Variants in FSIP1 observed in about 807,000 individuals in gnomAD.
The protein encoded by FSIP1 is fibrous sheath interacting protein 1.
A neutral mutation model predicts 60.9 loss-of-function variants in FSIP1; 65 were observed. The ratio of observed to expected loss-of-function variants is 1.07; its 90% CI spans 0.87 to 1.31. The LOEUF (loss-of-function observed/expected upper bound fraction) is 1.31. FSIP1 is among the 40% of genes most tolerant of loss of function. The pLI is 0.00. For missense variants in FSIP1, 675 were observed against 665.5 expected, an observed-to-expected ratio of 1.01 and a Z score of -0.16; for synonymous variants, 209 against 221.2, an observed-to-expected ratio of 0.94 and a Z score of 0.49.
intron 10 of FSIP1, among the ~76,000 whole-genome samples, chr15:39,671,328 T>C (rs956357341): frequency 6.6e-6 from 1 of 152,198 alleles, no homozygotes; most frequent in Admixed American, 6.5e-5. Flanking sequence ...TATTTTATCC[T>C]TTAGTTCATT....
intron 5 of FSIP1, among the ~76,000 whole-genome samples, chr15:39,755,438 C>T (rs1897271839): frequency 1.3e-5 from 2 of 152,034 alleles, no homozygotes; most frequent in Admixed American, 1.3e-4. Flanking sequence ...GAAGACCAAC[C>T]AAGACAGTGA....
At chr15:39,638,385 T>C (rs1159848501) in intron 10 of FSIP1, among the ~76,000 whole-genome samples, 5 of 152,212 alleles carry the variant, frequency 3.3e-5, no homozygotes, top group Admixed American at 6.5e-5. Flanking sequence ...TCTAGGAGAA[T>C]GACAGGAGAT....
At chr15:39,737,273 T>A (rs1223297323) in intron 8 of FSIP1, among the ~76,000 whole-genome samples, 1 of 152,082 alleles carries the variant, frequency 6.6e-6, no homozygotes, top group Non-Finnish European at 1.5e-5. Flanking sequence ...CTCACCCCCA[T>A]TACATGCTGT....
chr15:39,693,374 T>C (rs1894682154), intron 10 of FSIP1, among the ~76,000 whole-genome samples: 1 of 152,164 alleles, frequency 6.6e-6, no homozygotes, highest in South Asian at 2.1e-4. Context: ...CCCTTGCAGA[T>C]TTATTTAATG....
At chr15:39,631,023 G>C (rs1193381406) in intron 10 of FSIP1, among the ~76,000 whole-genome samples, 1 of 152,188 alleles carries the variant, frequency 6.6e-6, no homozygotes, top group African/African-American at 2.4e-5. Context: ...AGTACCCTCT[G>C]CATCTACTTT....
chr15:39,751,375 GTGTCCAT>G (rs1284636181), intron 5 of FSIP1, among the ~76,000 whole-genome samples: 3 of 150,788 alleles, frequency 2.0e-5, no homozygotes, highest in Non-Finnish European at 4.4e-5. Flanking sequence ...AACAAACCAA[GTGTCCAT>G]TGGCAGATGA....
chr15:39,705,315 T>C, intron 10 of FSIP1, among the ~76,000 whole-genome samples: 1 of 152,260 alleles, frequency 6.6e-6, no homozygotes, highest in East Asian at 1.9e-4. Flanking sequence ...AAAAATGTTC[T>C]TTATTTTTTA....
chr15:39,771,509 C>A (rs1029877994), intron 2 of FSIP1, among the ~76,000 whole-genome samples: 3 of 152,182 alleles, frequency 2.0e-5, no homozygotes, highest in African/African-American at 7.2e-5. Flanking sequence ...GGAATGCAGG[C>A]CTGCGTGAGT....
intron 10 of FSIP1, among the ~76,000 whole-genome samples, chr15:39,708,004 G>A (rs1895347384): frequency 6.6e-6 from 1 of 152,184 alleles, no homozygotes; most frequent in Non-Finnish European, 1.5e-5. Context: ...AACATCACTG[G>A]TATGGGAAAT....
rs12908846 is a variant in FSIP1 at position 39,618,203 on chromosome 15, G to A, written c.1231C>T (p.Leu411Phe). Residue 411 changes from leucine to phenylalanine, a missense_variant, in exon 11 of 12, where the codon CTT becomes TTT. By Grantham distance (22) the Leu-to-Phe change is conservative. Coordinates refer to ENST00000350221, the MANE Select transcript of FSIP1 (RefSeq NM_152597.5). ...SCLSEEQLKCLLDECILKQKS... is the reference protein window; with the variant it reads ...SCLSEEQLKCFLDECILKQKS... Reference sequence around the variant, plus strand: ...TGTTTAAGTATGCATTCATCCAGAAGACACTTTAACTGTTCTTCAGAGAGA... The same window carrying A: ...TGTTTAAGTATGCATTCATCCAGAAAACACTTTAACTGTTCTTCAGAGAGA... The A allele has an allele frequency of 0.13, 215,413 of 1,611,504 alleles. 16,619 individuals carry two copies. Among genetic ancestry groups the A allele is most frequent in the East Asian group, 0.34 (15,241 of 44,800 alleles).
At chr15:39,620,717 C>T (rs1473082891) in intron 10 of FSIP1, among the ~76,000 whole-genome samples, 2 of 149,826 alleles carry the variant, frequency 1.3e-5, no homozygotes, top group South Asian at 2.1e-4. Flanking sequence ...TCAGCCTCCC[C>T]GGTAGCTGGA....
intron 10 of FSIP1, among the ~76,000 whole-genome samples, chr15:39,670,318 T>C (rs775138306): frequency 6.6e-6 from 1 of 152,188 alleles, no homozygotes; most frequent in Non-Finnish European, 1.5e-5. Context: ...AGTGGTTATC[T>C]TGCTTGGTGA....
chr15:39,700,700 C>T (rs183019571), intron 10 of FSIP1, among the ~76,000 whole-genome samples: 1 of 152,178 alleles, frequency 6.6e-6, no homozygotes, highest in Admixed American at 6.5e-5. Flanking sequence ...ACAAGGCTTT[C>T]ACTACTCCAC....
At chr15:39,678,738 AATTCTGGGCTC>A (rs1383004236) in intron 10 of FSIP1, among the ~76,000 whole-genome samples, 1 of 152,190 alleles carries the variant, frequency 6.6e-6, no homozygotes, top group African/African-American at 2.4e-5. Flanking sequence ...ACTGTATCAG[AATTCTGGGCTC>A]ATCTGATGAA....
At chr15:39,622,891 C>T (rs1383399918) in intron 10 of FSIP1, among the ~76,000 whole-genome samples, 2 of 152,154 alleles carry the variant, frequency 1.3e-5, no homozygotes, top group East Asian at 3.8e-4. Flanking sequence ...AGAAACTCTC[C>T]CCGCAGAACA....
intron 9 of FSIP1, among the ~76,000 whole-genome samples, chr15:39,721,764 A>G (rs550135446): frequency 3.3e-5 from 5 of 152,356 alleles, no homozygotes; most frequent in Non-Finnish European, 5.9e-5. Context: ...GTTGCTATTC[A>G]TCTCAATTCG....
chr15:39,744,788 C>T (rs1408423459), intron 5 of FSIP1, among the ~76,000 whole-genome samples: 1 of 151,040 alleles, frequency 6.6e-6, no homozygotes, highest in Non-Finnish European at 1.5e-5. Flanking sequence ...CACACACACA[C>T]ACACACACAC....
intron 2 of FSIP1, among the ~76,000 whole-genome samples, chr15:39,775,031 G>A (rs1898007652): frequency 6.6e-6 from 1 of 152,106 alleles, no homozygotes; most frequent in Non-Finnish European, 1.5e-5. Context: ...GGGAGGTGGA[G>A]GGGGAACACA....
In FSIP1 at chr15:39,765,777, G is replaced by T. The variant is rs201355357; in HGVS notation, c.311-31C>A. Reference sequence around the variant, plus strand: ...TTGTGTTGAAAGTAAAAATAGGTTTGAAGTATAGTAAAACTATAAAGTTTT... The same window carrying T: ...TTGTGTTGAAAGTAAAAATAGGTTTTAAGTATAGTAAAACTATAAAGTTTT... On this transcript the variant is annotated intron_variant, in intron 3 of 11. Coordinates refer to ENST00000350221, the MANE Select transcript of FSIP1 (RefSeq NM_152597.5). 3.5e-5 allele frequency: 43 copies of T among 1,236,272 alleles called. 1 individual carries two copies. The Middle Eastern group carries it at 2.3e-3, about 66-fold the overall frequency. 76.6% of individuals were successfully genotyped at this position (1,236,272 alleles called of 1,614,324 possible). A position where few individuals can be genotyped will look rare whatever the true frequency, so the allele number is the denominator to read the frequency against.
Sources: gnomAD v4.1 joint callset for allele counts (sites outside exome capture counted in the v4.1 genomes callset) on GRCh38, gnomAD v4.1.1 for gene constraint, MANE v1.5 for transcripts, NCBI Gene and HGNC (gene_info 2026-07-23, HGNC 2026-07-21) for gene names.